Variants in ADAMTSL1 observed in about 807,000 individuals in gnomAD.
ADAMTSL1 encodes ADAMTS like 1.
Under a neutral mutation model 201.8 loss-of-function variants are expected in ADAMTSL1, and 126 were observed. That is an observed-to-expected ratio of 0.62 (90% CI 0.54 to 0.72). The LOEUF is 0.72. Among genes scored for constraint, ADAMTSL1 ranks in the 30% least tolerant of loss-of-function variants. The pLI, the probability that ADAMTSL1 is intolerant of heterozygous loss-of-function variation, is 0.00. For missense variants in ADAMTSL1, 2,679 were observed against 2,277.8 expected (o/e 1.18, Z -3.59); for synonymous variants, 1,121 against 903.4 (o/e 1.24, Z -4.32).
At chr9:17,939,889 G>C (rs892670873) in intron 1 of ADAMTSL1, among the ~76,000 whole-genome samples, 1 of 152,160 alleles carries the variant, frequency 6.6e-6, no homozygotes, top group East Asian at 1.9e-4. Flanking sequence ...GGGAGCAAAA[G>C]AGTCAGTTAA....
intron 1 of ADAMTSL1, among the ~76,000 whole-genome samples, chr9:18,100,966 G>A (rs576948276): frequency 7.9e-5 from 12 of 152,034 alleles, no homozygotes; most frequent in South Asian, 4.2e-4. Context: ...CCAGTTTTTC[G>A]CTCTTGATGG....
intron 23 of ADAMTSL1, among the ~76,000 whole-genome samples, chr9:18,875,950 TATG>T (rs145500280): frequency 0.067 from 10,126 of 152,200 alleles, 441 homozygotes; most frequent in East Asian, 0.19. Context: ...TAGTTAGGAT[TATG>T]ATATTTTCCT....
intron 2 of ADAMTSL1, among the ~76,000 whole-genome samples, chr9:18,404,030 T>C (rs1008869225): frequency 6.6e-6 from 1 of 152,144 alleles, no homozygotes; most frequent in Admixed American, 6.5e-5. Flanking sequence ...GTTATAGCCT[T>C]CTGTTCCATC....
chr9:18,671,768 CG>C (rs909282776), intron 9 of ADAMTSL1, among the ~76,000 whole-genome samples: 3 of 152,068 alleles, frequency 2.0e-5, no homozygotes, highest in African/African-American at 7.2e-5. Context: ...AGAACAGAAC[CG>C]GCCGGGTGTG....
chr9:17,918,761 T>G (rs1826197237), intron 1 of ADAMTSL1, among the ~76,000 whole-genome samples: 1 of 151,954 alleles, frequency 6.6e-6, no homozygotes, highest in South Asian at 2.1e-4. Flanking sequence ...TATCAATTAT[T>G]GAGAAAGGGA....
At chr9:18,115,066 T>G (rs552226612) in intron 1 of ADAMTSL1, among the ~76,000 whole-genome samples, 2 of 152,266 alleles carry the variant, frequency 1.3e-5, no homozygotes, top group African/African-American at 4.8e-5. Context: ...TTGCCAGGTT[T>G]TAAAAAAAAT....
At chr9:18,543,954 G>A (rs915798182) in intron 3 of ADAMTSL1, among the ~76,000 whole-genome samples, 1 of 152,014 alleles carries the variant, frequency 6.6e-6, no homozygotes, top group African/African-American at 2.4e-5. Flanking sequence ...TCTCCTTAAT[G>A]TGTTCTCAAT....
chr9:18,842,374 C>A (rs1183762607), intron 23 of ADAMTSL1, among the ~76,000 whole-genome samples: 1 of 151,960 alleles, frequency 6.6e-6, no homozygotes, highest in African/African-American at 2.4e-5. Flanking sequence ...ATCCTGAGTT[C>A]TAGTTTGATT....
At chr9:18,390,234 T>A (rs1237713029) in intron 2 of ADAMTSL1, among the ~76,000 whole-genome samples, 3 of 151,944 alleles carry the variant, frequency 2.0e-5, no homozygotes, top group Non-Finnish European at 4.4e-5. Context: ...TAAAAAAAAA[T>A]TGCTTGAGAA....
chr9:18,343,170 A>G (rs925957072), intron 2 of ADAMTSL1, among the ~76,000 whole-genome samples: 2 of 152,006 alleles, frequency 1.3e-5, no homozygotes, highest in African/African-American at 2.4e-5. Context: ...TATAGGAAAT[A>G]AAAGTTTTTC....
chr9:17,978,608 A>G (rs1476364461), intron 1 of ADAMTSL1, among the ~76,000 whole-genome samples: 1 of 152,130 alleles, frequency 6.6e-6, no homozygotes, highest in Non-Finnish European at 1.5e-5. Flanking sequence ...TTTTACTGTC[A>G]TAAATTAAAC....
chr9:18,279,977 G>A (rs1832723467), intron 2 of ADAMTSL1, among the ~76,000 whole-genome samples: 1 of 152,044 alleles, frequency 6.6e-6, no homozygotes, highest in Non-Finnish European at 1.5e-5. Context: ...GCCTTTTGGG[G>A]CAATCTGGAA....
At chr9:18,489,487 T>C (rs927636367) in intron 1 of ADAMTSL1, among the ~76,000 whole-genome samples, 1 of 152,146 alleles carries the variant, frequency 6.6e-6, no homozygotes, top group African/African-American at 2.4e-5. Context: ...TAATCTGAAG[T>C]ATAATGCACC....
intron 4 of ADAMTSL1, among the ~76,000 whole-genome samples, chr9:18,582,971 A>G (rs1234991096): frequency 1.3e-5 from 2 of 152,216 alleles, no homozygotes; most frequent in Admixed American, 1.3e-4. Flanking sequence ...AGACATGGCT[A>G]TCACCTTCTG....
chr9:18,137,666 C>T (rs986558280), intron 1 of ADAMTSL1, among the ~76,000 whole-genome samples: 1 of 152,118 alleles, frequency 6.6e-6, no homozygotes, highest in Admixed American at 6.6e-5. Flanking sequence ...AAATAAAACC[C>T]TGTGGAAGAA....
Position 18,817,132 on chromosome 9 carries a change from C to G in ADAMTSL1, c.3829C>G (p.Arg1277Gly), listed in dbSNP as rs781157451. 3.6e-5 allele frequency: 58 copies of G among 1,606,760 alleles called. No individual in the cohort carries two copies. Among genetic ancestry groups the G allele is most frequent in the Non-Finnish European group, 4.6e-5 (54 of 1,176,782 alleles). Residue 1277 changes from arginine (R) to glycine (G), a missense_variant, in exon 21 of 29, where the codon CGA (arginine) becomes GGA (glycine). Arg to Gly is a moderately radical substitution (Grantham distance 125, BLOSUM62 -2). Transcript: ENST00000380548. ...AGGAAAGCCACTAGTGAAAACGTCACGAATGACAGTGATCAACACGGAGAA... is the reference window on the plus strand; with the variant it reads ...AGGAAAGCCACTAGTGAAAACGTCAGGAATGACAGTGATCAACACGGAGAA... Reference protein sequence around the residue: ...LAGKPLVKTSRMTVINTEKPA... With the variant: ...LAGKPLVKTSGMTVINTEKPA...
intron 2 of ADAMTSL1, among the ~76,000 whole-genome samples, chr9:18,399,982 T>C (rs965399779): frequency 4.6e-5 from 7 of 152,166 alleles, no homozygotes; most frequent in Non-Finnish European, 8.8e-5. Context: ...ACTGTAGCAC[T>C]GAGGTGATAG....
intron 2 of ADAMTSL1, among the ~76,000 whole-genome samples, chr9:18,379,917 C>T (rs922088731): frequency 2.0e-5 from 3 of 152,188 alleles, no homozygotes; most frequent in Admixed American, 6.5e-5. Flanking sequence ...TTCATTAAAG[C>T]CCCCCTTCCT....
intron 23 of ADAMTSL1, among the ~76,000 whole-genome samples, chr9:18,842,136 T>A (rs1226992728): frequency 1.3e-5 from 2 of 152,096 alleles, no homozygotes; most frequent in Non-Finnish European, 1.5e-5. Context: ...TGTTAGGGTG[T>A]CAATTTTGGA....
Sources: gnomAD v4.1 joint callset for allele counts (sites outside exome capture counted in the v4.1 genomes callset) on GRCh38, gnomAD v4.1.1 for gene constraint, MANE v1.5 for transcripts, NCBI Gene and HGNC (gene_info 2026-07-23, HGNC 2026-07-21) for gene names.